Variants in CCL20 observed in about 807,000 individuals in gnomAD.
CCL20 encodes the protein C-C motif chemokine 20.
A neutral mutation model predicts 10.8 loss-of-function variants in CCL20; 8 were observed. That is an observed-to-expected ratio of 0.74 (90% CI 0.44 to 1.34). The LOEUF (loss-of-function observed/expected upper bound fraction) is 1.34. Among genes scored for constraint, CCL20 ranks in the 40% most tolerant of loss-of-function variants. CCL20 has a pLI of 0.01. For missense variants in CCL20, 107 were observed against 117.9 expected, an observed-to-expected ratio of 0.91 and a Z score of 0.43; for synonymous variants, 40 against 39.4, an observed-to-expected ratio of 1.02 and a Z score of -0.06.
Position 227,817,082 on chromosome 2 carries a change from A to G in CCL20, c.290A>G (p.Ter97=). The G allele has an allele frequency of 1.2e-6, 2 of 1,608,536 alleles. No homozygotes were observed. Among genetic ancestry groups the G allele is most frequent in the Non-Finnish European group, 1.7e-6 (2 of 1,175,318 alleles). ...TACAGTAAAAAAGTCAAGAACATGTAAAAACTGTGGCTTTTCTGGAATGGA... is the reference window on the plus strand; with the variant it reads ...TACAGTAAAAAAGTCAAGAACATGTGAAAACTGTGGCTTTTCTGGAATGGA... The part of the protein sequence containing the change: ...RLLSKKVKNM[*] The change falls in exon 4 of 4, where the codon TAA becomes TGA. Residue 97 remains the stop codon, a stop_retained_variant. Coordinates refer to ENST00000358813, the MANE Select transcript of CCL20 (RefSeq NM_004591.3).
In CCL20 at chr2:227,815,012, C is replaced by T. The variant is rs147668198; in HGVS notation, c.77-442C>T. 8.5e-4 allele frequency among the ~76,000 whole-genome samples: 130 copies of T among 152,190 alleles called. No homozygotes were observed. In the Middle Eastern group the frequency reaches 0.01, roughly 12 times the overall value. On this transcript the variant is annotated intron_variant, in intron 1 of 3. Coordinates refer to ENST00000358813, the MANE Select transcript of CCL20 (RefSeq NM_004591.3). ...AGCTCTATTTCTCAATACTTAGTAG[C>T]CAGATAATAGATTAAAATCTGCCAA...
Position 227,816,321 on chromosome 2 carries a change from A to C in CCL20, c.206A>C (p.Lys69Thr). 1 of 1,610,434 alleles carries C rather than the reference A, an allele frequency of 6.2e-7. No individual in the cohort carries two copies. Among genetic ancestry groups the C allele is most frequent in the African/African-American group, 1.3e-5 (1 of 74,978 alleles). The change falls in exon 3 of 4, where the codon AAA becomes ACA. Residue 69 changes from lysine (K) to threonine (T), a missense_variant. Transcript: ENST00000358813. ...DINAIIFHTK[K>T]KLSVCANPKQ... ...TGATTTTTCAGCTTTCACACAAAGAAAAAGTTGTCTGTGTGCGCAAATCCA... is the reference window on the plus strand; with the variant it reads ...TGATTTTTCAGCTTTCACACAAAGACAAAGTTGTCTGTGTGCGCAAATCCA...
chr2:227,814,620 C>T (rs191785788), intron 1 of CCL20, among the ~76,000 whole-genome samples: 3 of 151,790 alleles, frequency 2.0e-5, no homozygotes, highest in Admixed American at 6.6e-5. Flanking sequence ...CTAACTTCAT[C>T]ACCCAGGCCA....
intron 1 of CCL20, among the ~76,000 whole-genome samples, chr2:227,814,384 C>G (rs902776173): frequency 2.0e-5 from 3 of 152,130 alleles, no homozygotes; most frequent in Admixed American, 6.6e-5. Context: ...CAAAACTCAT[C>G]CTTTAGAAGT....
Position 227,815,809 on chromosome 2 carries a change from T to C in CCL20, c.191+241T>C, listed in dbSNP as rs78595463. On this transcript the variant is annotated intron_variant, in intron 2 of 3. Coordinates refer to ENST00000358813, the MANE Select transcript of CCL20 (RefSeq NM_004591.3). Reference sequence around the variant, plus strand: ...AACCTTTTTTAAAAATTTTTTTTGGTCAAACGGAACTAGTATAGGGCAAAA... The same window carrying C: ...AACCTTTTTTAAAAATTTTTTTTGGCCAAACGGAACTAGTATAGGGCAAAA... 1.4e-3 allele frequency: 526 copies of C among 370,592 alleles called. 3 individuals carry two copies. The highest frequency in any genetic ancestry group is 0.01 in the African/African-American group (486 of 47,322). The allele number at this position is 370,592 out of a possible 1,614,324, so 23.0% of individuals were successfully genotyped here.
chr2:227,815,542 T>G lies in CCL20; in HGVS notation c.165T>G (p.Asn55Lys), dbSNP rs1292691365. The change falls in exon 2 of 4, where the codon AAT (asparagine) becomes AAG (lysine). Residue 55 changes from asparagine (N) to lysine (K), a missense_variant. By Grantham distance (94) the Asn-to-Lys change is moderately conservative. Transcript: ENST00000358813. ...FIVGFTRQLA[N>K]EGCDINAIIF... ...TGGGCTTCACACGGCAGCTGGCCAA[T>G]GAAGGCTGTGACATCAATGCTATCA... The G allele has an allele frequency of 1.2e-6, 2 of 1,602,542 alleles. No individual in the cohort carries two copies. Among genetic ancestry groups the G allele is most frequent in the Non-Finnish European group, 1.7e-6 (2 of 1,170,230 alleles).
At chr2:227,816,979 A>G (rs1221635425) in intron 3 of CCL20, 83 bp from the exon 4 acceptor site, 10 of 1,050,948 alleles carry the variant, frequency 9.5e-6, no homozygotes, top group Non-Finnish European at 8.9e-6. Flanking sequence ...AGGGCAGGTG[A>G]AGCAACCTTT....
chr2:227,817,002 C>A (rs1408752960), intron 3 of CCL20, 60 bp from the exon 4 acceptor site: 6 of 1,367,144 alleles, frequency 4.4e-6, no homozygotes, highest in Admixed American at 3.4e-5. Context: ...GTACCAAAGT[C>A]ATTCCCACCA....
At chr2:227,816,971 G>A (rs927567050) in intron 3 of CCL20, 91 bp from the exon 4 acceptor site, 4 of 910,600 alleles carry the variant, frequency 4.4e-6, no homozygotes, top group Non-Finnish European at 7.3e-6. Context: ...TGAGATTAAG[G>A]GCAGGTGAAG....
intron 1 of CCL20, among the ~76,000 whole-genome samples, chr2:227,814,637 A>C (rs1689996451): frequency 1.3e-5 from 2 of 151,842 alleles, no homozygotes; most frequent in Non-Finnish European, 2.9e-5. Context: ...GCCAGAGTGC[A>C]GTGGCATGAT....
rs747651092 is a variant in CCL20 at position 227,815,528 on chromosome 2, C to T, written c.151C>T (p.Arg51Trp). The T allele has an allele frequency of 1.4e-5, 23 of 1,610,078 alleles. No homozygotes were observed. The highest frequency in any genetic ancestry group is 4.5e-5 in the East Asian group (2 of 44,780). Residue 51 changes from arginine to tryptophan, a missense_variant, in exon 2 of 4, where the codon CGG becomes TGG. Transcript: ENST00000358813. ...TCCTAAATTTATTGTGGGCTTCACACGGCAGCTGGCCAATGAAGGCTGTGA... is the reference window on the plus strand; with the variant it reads ...TCCTAAATTTATTGTGGGCTTCACATGGCAGCTGGCCAATGAAGGCTGTGA... ...LHPKFIVGFTRQLANEGCDIN... is the reference protein window; with the variant it reads ...LHPKFIVGFTWQLANEGCDIN...
intron 2 of CCL20, 193 bp from the exon 3 acceptor site, chr2:227,816,114 T>C: frequency 1.8e-6 from 1 of 546,166 alleles, no homozygotes; most frequent in Non-Finnish European, 3.2e-6. Flanking sequence ...ATTTGTTACA[T>C]TGCAGAGAAA....
At chr2:227,815,994 A>G (rs1690020145) in intron 2 of CCL20, 1 of 282,142 alleles carries the variant, frequency 3.5e-6, no homozygotes. Flanking sequence ...AGGATATTAT[A>G]TTTTGGAATT....
chr2:227,816,030 C>T, intron 2 of CCL20: 2 of 402,614 alleles, frequency 5.0e-6, no homozygotes, highest in South Asian at 7.1e-5. Context: ...CAGATACATA[C>T]ATATTCTATG....
intron 2 of CCL20, 42 bp downstream of exon 2, chr2:227,815,610 C>G: frequency 9.2e-7 from 1 of 1,082,450 alleles, no homozygotes; most frequent in South Asian, 1.3e-5. Context: ...ATCAGGAATA[C>G]CTAGAAACTT....
intron 3 of CCL20, among the ~76,000 whole-genome samples, 175 bp downstream of exon 3, chr2:227,816,559 T>C (rs891155728): frequency 6.6e-6 from 1 of 152,220 alleles, no homozygotes; most frequent in African/African-American, 2.4e-5. Flanking sequence ...CAGATCATCA[T>C]CGTTATTATT....
chr2:227,816,988 T>G, intron 3 of CCL20, 74 bp from the exon 4 acceptor site: 1 of 1,173,584 alleles, frequency 8.5e-7, no homozygotes, highest in Non-Finnish European at 1.3e-6. Flanking sequence ...GAAGCAACCT[T>G]TAGGTACCAA....
At chr2:227,816,194 C>A in intron 2 of CCL20, 113 bp from the exon 3 acceptor site, 1 of 548,510 alleles carries the variant, frequency 1.8e-6, no homozygotes, top group Non-Finnish European at 3.2e-6. Flanking sequence ...TTTACCTCAT[C>A]AACTGAAATG....
chr2:227,814,332 C>T lies in CCL20; in HGVS notation c.76+345C>T, dbSNP rs937187162. The stretch of plus-strand genomic sequence containing the variant: ...GAAATGTAGAGAATCCTCCTGTGTC[C>T]CCAACTTTCGTACCTCCCAACTTAA... On this transcript the variant is annotated intron_variant, in intron 1 of 3. Coordinates refer to ENST00000358813, the MANE Select transcript of CCL20 (RefSeq NM_004591.3). Among the ~76,000 whole-genome samples the T allele has an allele frequency of 2.0e-5, 3 of 152,214 alleles. No homozygotes were observed. The East Asian group carries it at 5.8e-4, about 29-fold the overall frequency.
Sources: allele counts gnomAD v4.1 joint callset (sites outside exome capture counted in the v4.1 genomes callset), GRCh38; gene constraint gnomAD v4.1.1; transcripts MANE v1.5; gene names NCBI Gene and HGNC (gene_info 2026-07-23, HGNC 2026-07-21).